Variants in ADGRB3 observed in about 807,000 individuals in gnomAD.
ADGRB3 encodes the protein adhesion G protein-coupled receptor B3.
In ADGRB3, 37 loss-of-function variants were observed where a neutral mutation model predicts 193.4. The ratio of observed to expected loss-of-function variants is 0.19; its 90% CI spans 0.15 to 0.25. The LOEUF (loss-of-function observed/expected upper bound fraction) is 0.25. ADGRB3 is among the 10% of genes least tolerant of loss of function. ADGRB3 has a pLI of 1.00. For synonymous variants in ADGRB3, 690 were observed against 644.2 expected, an observed-to-expected ratio of 1.07 and a Z score of -1.08; for missense variants, 1,637 against 1,852.9, an observed-to-expected ratio of 0.88 and a Z score of 2.14.
At chr6:69,121,744 C>G (rs1396496734) in intron 17 of ADGRB3, among the ~76,000 whole-genome samples, 1 of 147,922 alleles carries the variant, frequency 6.8e-6, no homozygotes, top group African/African-American at 2.5e-5. Flanking sequence ...AGATGATGGG[C>G]AGCCAGGCGT....
chr6:69,191,764 A>T (rs767910814), intron 17 of ADGRB3, among the ~76,000 whole-genome samples: 2 of 152,140 alleles, frequency 1.3e-5, no homozygotes, highest in Non-Finnish European at 2.9e-5. Flanking sequence ...GCCTTGTCTG[A>T]GACAAAGAAA....
chr6:69,360,862 C>T lies in ADGRB3; in HGVS notation c.3596-7C>T. The T allele has an allele frequency of 6.3e-7, 1 of 1,576,818 alleles. No homozygotes were observed. The highest frequency in any genetic ancestry group is 8.6e-7 in the Non-Finnish European group (1 of 1,162,944). The stretch of plus-strand genomic sequence containing the variant: ...CTCTTTCTTCAACTTTACATTCCTA[C>T]TCACAGTTCTTCATAAGGATATTGG... On this transcript the variant is annotated splice_region_variant and splice_polypyrimidine_tract_variant and intron_variant, in intron 28 of 31. Coordinates refer to ENST00000370598, the MANE Select transcript of ADGRB3 (RefSeq NM_001704.3).
intron 17 of ADGRB3, among the ~76,000 whole-genome samples, chr6:69,129,831 A>G (rs1324882003): frequency 6.6e-6 from 1 of 152,138 alleles, no homozygotes; most frequent in Non-Finnish European, 1.5e-5. Context: ...GTGTTGTATG[A>G]ATTCTTTTTA....
At chr6:69,305,388 G>A (rs1477367496) in intron 20 of ADGRB3, among the ~76,000 whole-genome samples, 2 of 151,414 alleles carry the variant, frequency 1.3e-5, no homozygotes, top group East Asian at 1.9e-4. Context: ...AATAGAGATT[G>A]TTGATTTATA....
intron 3 of ADGRB3, among the ~76,000 whole-genome samples, chr6:68,817,494 G>A (rs1767660682): frequency 6.6e-6 from 1 of 150,504 alleles, no homozygotes; most frequent in Admixed American, 6.7e-5. Context: ...AAGTATAAAA[G>A]CCTGTTTAAT....
In ADGRB3 at chr6:69,016,219, C is replaced by T. The variant is rs552317909; in HGVS notation, c.1998+2113C>T. Among the ~76,000 whole-genome samples the T allele has an allele frequency of 4.6e-5, 7 of 151,998 alleles. 1 individual carries two copies. In the South Asian group the frequency reaches 1.5e-3, roughly 32 times the overall value. On this transcript the variant is annotated intron_variant, in intron 12 of 31. Transcript: ENST00000370598. ...AAAAAGTTTGCCAACCTTTTATAAC[C>T]TGCTCTATAGCATTTGACTACACTT...
At chr6:69,240,590 A>T (rs1214942312) in intron 20 of ADGRB3, among the ~76,000 whole-genome samples, 1 of 152,004 alleles carries the variant, frequency 6.6e-6, no homozygotes, top group Non-Finnish European at 1.5e-5. Context: ...GAATTGGGAG[A>T]CAAGAAGGTA....
At chr6:69,196,507 C>A (rs1765299668) in intron 17 of ADGRB3, among the ~76,000 whole-genome samples, 1 of 152,116 alleles carries the variant, frequency 6.6e-6, no homozygotes, top group Non-Finnish European at 1.5e-5. Flanking sequence ...CTTACTTTAT[C>A]TTTACATAGC....
At chr6:68,869,232 C>A (rs1047162897) in intron 3 of ADGRB3, among the ~76,000 whole-genome samples, 1 of 151,994 alleles carries the variant, frequency 6.6e-6, no homozygotes, top group African/African-American at 2.4e-5. Flanking sequence ...CCAAAGACTC[C>A]CAAGTTTTTA....
At chr6:68,952,136 C>G (rs186867067) in intron 6 of ADGRB3, among the ~76,000 whole-genome samples, 54 of 152,228 alleles carry the variant, frequency 3.5e-4, no homozygotes, top group Admixed American at 9.2e-4. Context: ...TTCTACCCCC[C>G]CAAAGCCTCC....
rs1768025614 is a variant in ADGRB3 at position 68,639,297 on chromosome 6, G to A, written c.622G>A (p.Asp208Asn). 3 of 1,614,054 alleles carry A rather than the reference G, an allele frequency of 1.9e-6. No individual in the cohort carries two copies. Among genetic ancestry groups the A allele is most frequent in the African/African-American group, 1.3e-5 (1 of 75,004 alleles). The change falls in exon 3 of 32, where the codon GAC becomes AAC. Residue 208 changes from aspartate (D) to asparagine (N), a missense_variant. By Grantham distance (23) the Asp-to-Asn change is conservative (BLOSUM62 1). Around this residue, in one of 7 missense-constraint regions of ADGRB3, gnomAD observed 365 missense variants for 409.8 expected, o/e 0.89. Coordinates refer to ENST00000370598, the MANE Select transcript of ADGRB3 (RefSeq NM_001704.3). ...CPQHLGEWGI[D>N]DQSLILLNNV... is the part of the protein sequence containing the mutation. ...TCAGCATTTGGGAGAGTGGGGGATC[G>A]ACGACCAGTCGCTGATTTTGTTAAA...
chr6:68,658,812 G>C (rs899240976), intron 3 of ADGRB3, among the ~76,000 whole-genome samples: 2 of 150,946 alleles, frequency 1.3e-5, no homozygotes, highest in African/African-American at 2.4e-5. Flanking sequence ...TTAACACAAC[G>C]AGCTGCTTAA....
intron 11 of ADGRB3, among the ~76,000 whole-genome samples, 169 bp from the exon 12 acceptor site, chr6:69,013,869 A>G (rs1020436683): frequency 6.6e-6 from 1 of 152,112 alleles, no homozygotes; most frequent in Non-Finnish European, 1.5e-5. Context: ...TCCTAGAATT[A>G]CGGTTCTGTA....
intron 3 of ADGRB3, among the ~76,000 whole-genome samples, chr6:68,779,108 G>A (rs963339993): frequency 4.0e-5 from 6 of 151,878 alleles, no homozygotes; most frequent in African/African-American, 1.5e-4. Flanking sequence ...CATATTACGT[G>A]TGTGTGTATA....
chr6:69,315,481 T>A (rs1457507583), intron 20 of ADGRB3, among the ~76,000 whole-genome samples: 1 of 151,582 alleles, frequency 6.6e-6, no homozygotes, highest in Non-Finnish European at 1.5e-5. Flanking sequence ...TGTATTACCT[T>A]TGTGCAAATC....
chr6:68,779,230 ATGTGTGTGTG>A (rs4038665), intron 3 of ADGRB3, among the ~76,000 whole-genome samples: 1 of 144,488 alleles, frequency 6.9e-6, no homozygotes, highest in Non-Finnish European at 1.5e-5. Flanking sequence ...TGTATATATT[ATGTGTGTGTG>A]TGTGTGTGTG....
At chr6:69,345,318 A>G (rs1213067127) in intron 26 of ADGRB3, among the ~76,000 whole-genome samples, 1 of 152,168 alleles carries the variant, frequency 6.6e-6, no homozygotes, top group Non-Finnish European at 1.5e-5. Context: ...CTTCAGGCCA[A>G]TTTCCCTGAT....
At chr6:69,256,347 C>A (rs1026731973) in intron 20 of ADGRB3, among the ~76,000 whole-genome samples, 5 of 152,104 alleles carry the variant, frequency 3.3e-5, no homozygotes, top group Non-Finnish European at 7.4e-5. Context: ...ATGGAATGTT[C>A]TTCCATTTGT....
intron 3 of ADGRB3, among the ~76,000 whole-genome samples, chr6:68,908,722 G>A (rs9446067): frequency 0.32 from 49,118 of 151,952 alleles, 8,316 homozygotes; most frequent in Middle Eastern, 0.53. Flanking sequence ...TGTGACTTCC[G>A]TATTGCTATA....
Sources: allele counts gnomAD v4.1 joint callset (sites outside exome capture counted in the v4.1 genomes callset), GRCh38; gene constraint gnomAD v4.1.1; regional missense constraint gnomAD v4.1.1; transcripts MANE v1.5; gene names NCBI Gene and HGNC (gene_info 2026-07-23, HGNC 2026-07-21).